The following ULK4 variants were observed in gnomAD, a reference collection of about 807,000 sequenced individuals.
The protein encoded by ULK4 is inactive serine/threonine-protein kinase ULK4.
A neutral mutation model predicts 160.6 loss-of-function variants in ULK4; 133 were observed. The ratio of observed to expected loss-of-function variants is 0.83; its 90% CI spans 0.72 to 0.96. The LOEUF (loss-of-function observed/expected upper bound fraction) is 0.96, where lower values mean the gene tolerates loss of function less well. Among genes scored for constraint, ULK4 ranks in the 40% least tolerant of loss-of-function variants. The pLI, the probability that ULK4 is intolerant of heterozygous loss-of-function variation, is 0.00. For missense variants in ULK4, 1,580 were observed against 1,499.5 expected (o/e 1.05, Z -0.89); for synonymous variants, 534 against 539.8 (o/e 0.99, Z 0.15).
At chr3:41,593,273 G>C (rs565903404) in intron 31 of ULK4, among the ~76,000 whole-genome samples, 15 of 152,290 alleles carry the variant, frequency 9.8e-5, no homozygotes, top group Non-Finnish European at 1.8e-4. Context: ...ATCACTGAAA[G>C]ACTTTCAAAG....
chr3:41,876,567 C>T (rs1346871485), intron 17 of ULK4, among the ~76,000 whole-genome samples: 1 of 152,188 alleles, frequency 6.6e-6, no homozygotes, highest in Non-Finnish European at 1.5e-5. Context: ...CATTCCTACA[C>T]ATATCCAACA....
chr3:41,746,272 CAAAAAAAAAAA>C lies in ULK4; in HGVS notation c.2321+8078_2321+8088del, dbSNP rs34582395. ...TATATAGAAAATCTCCTGGAACCCA[CAAAAAAAAAAA>C]AAAAAAAAAAAAACCACCTACAACT... On this transcript the variant is annotated intron_variant, in intron 22 of 36. Coordinates refer to ENST00000301831, the MANE Select transcript of ULK4 (RefSeq NM_017886.4). Among the ~76,000 whole-genome samples the C allele has an allele frequency of 1.3e-4, 6 of 45,718 alleles. No individual in the cohort carries two copies. In the South Asian group the frequency reaches 3.4e-3, roughly 26 times the overall value. 30.0% of individuals were successfully genotyped at this position (45,718 alleles called of 152,430 possible). A position where few individuals can be genotyped will look rare whatever the true frequency, so the allele number is the denominator to read the frequency against.
At chr3:41,835,084 A>C (rs1329277706) in intron 18 of ULK4, among the ~76,000 whole-genome samples, 1 of 152,164 alleles carries the variant, frequency 6.6e-6, no homozygotes, top group East Asian at 1.9e-4. Context: ...AGTTCTCCTC[A>C]AATTAGTCCC....
At chr3:41,436,355 C>T (rs1326868517) in intron 34 of ULK4, among the ~76,000 whole-genome samples, 4 of 152,118 alleles carry the variant, frequency 2.6e-5, no homozygotes, top group African/African-American at 9.7e-5. Context: ...TGAGGAGCAT[C>T]TATATTTTTG....
intron 30 of ULK4, among the ~76,000 whole-genome samples, chr3:41,639,747 C>T (rs1186750299): frequency 6.6e-6 from 1 of 152,088 alleles, no homozygotes; most frequent in Non-Finnish European, 1.5e-5. Flanking sequence ...ATACATGTAT[C>T]TGTCAAAGTA....
chr3:41,538,198 C>T (rs559266696), intron 32 of ULK4, among the ~76,000 whole-genome samples: 1 of 152,156 alleles, frequency 6.6e-6, no homozygotes, highest in Non-Finnish European at 1.5e-5. Flanking sequence ...TTTGCTTTTT[C>T]TATAATCATA....
chr3:41,917,629 C>A (rs778720305), intron 7 of ULK4, among the ~76,000 whole-genome samples: 1 of 152,032 alleles, frequency 6.6e-6, no homozygotes, highest in Non-Finnish European at 1.5e-5. Context: ...ATTATATTAA[C>A]CACAATTTAT....
rs2037223796 is a variant in ULK4, at chr3:41,715,159, C to T, written c.2634+78G>A. On this transcript the variant is annotated intron_variant, in intron 25 of 36. Transcript: ENST00000301831. ...TACCAACAGGATTTTTAAATTACCT[C>T]ATTCTGACATCAAATTCTACAAACA... is the stretch of plus-strand genomic sequence containing the variant. 5.7e-6 allele frequency: 8 copies of T among 1,403,972 alleles called. No individual in the cohort carries two copies. In the Admixed American group the frequency reaches 1.5e-4, roughly 26 times the overall value. 87.0% of individuals were successfully genotyped at this position (1,403,972 alleles called of 1,614,324 possible).
chr3:41,938,251 C>T, intron 2 of ULK4, 54 bp from the exon 3 acceptor site: 7 of 1,419,530 alleles, frequency 4.9e-6, no homozygotes. Context: ...ACTCTTACAT[C>T]TACTGAGAAA....
At chr3:41,780,062 A>T (rs141179011) in intron 21 of ULK4, among the ~76,000 whole-genome samples, 1 of 151,746 alleles carries the variant, frequency 6.6e-6, no homozygotes, top group African/African-American at 2.4e-5. Flanking sequence ...ACACTTTGGA[A>T]ACACTTTGGG....
At position 41,280,343 on chromosome 3, in the gene ULK4, A is replaced by C. The variant is rs532951553; in HGVS notation, c.3679-30769T>G. On this transcript the variant is annotated intron_variant, in intron 35 of 36. Coordinates refer to ENST00000301831, the MANE Select transcript of ULK4 (RefSeq NM_017886.4). ...ATCTACAGAACTCTCCACCTCAAAT[A>C]AACAGAATATACATTCTTCTCAGTA... Among the ~76,000 whole-genome samples the C allele has an allele frequency of 7.5e-4, 114 of 152,218 alleles. 1 individual carries two copies. The highest frequency in any genetic ancestry group is 3.3e-3 in the Admixed American group (51 of 15,282).
intron 35 of ULK4, among the ~76,000 whole-genome samples, chr3:41,326,217 G>A (rs1423171825): frequency 1.3e-5 from 2 of 151,948 alleles, no homozygotes; most frequent in Admixed American, 6.6e-5. Flanking sequence ...TTCCAATCAC[G>A]AGTAGTACCA....
chr3:41,371,874 T>G (rs1467026921), intron 35 of ULK4, among the ~76,000 whole-genome samples: 1 of 151,858 alleles, frequency 6.6e-6, no homozygotes, highest in Non-Finnish European at 1.5e-5. Context: ...TCTAGCCCAA[T>G]GCAAGGAAGC....
chr3:41,322,770 G>A (rs1034653603), intron 35 of ULK4, among the ~76,000 whole-genome samples: 7 of 152,010 alleles, frequency 4.6e-5, no homozygotes, highest in African/African-American at 9.7e-5. Flanking sequence ...TTTTTACTTC[G>A]CTCAAACAAA....
At chr3:41,431,471 G>C (rs1022749098) in intron 34 of ULK4, among the ~76,000 whole-genome samples, 1 of 148,792 alleles carries the variant, frequency 6.7e-6, no homozygotes, top group East Asian at 2.0e-4. Context: ...CATATGCCAA[G>C]GGCTGTGCTA....
At chr3:41,469,065 C>A (rs1559625238) in intron 32 of ULK4, among the ~76,000 whole-genome samples, 1 of 152,172 alleles carries the variant, frequency 6.6e-6, no homozygotes, top group African/African-American at 2.4e-5. Context: ...TAAATCTCTA[C>A]ACAGTCAGCC....
At chr3:41,761,454 T>C (rs984609094) in intron 21 of ULK4, among the ~76,000 whole-genome samples, 8 of 150,526 alleles carry the variant, frequency 5.3e-5, no homozygotes, top group African/African-American at 1.9e-4. Flanking sequence ...GCAATGATTA[T>C]AGTAATGAGT....
chr3:41,907,771 C>A (rs1338020860), intron 12 of ULK4, 74 bp downstream of exon 12: 3 of 943,954 alleles, frequency 3.2e-6, no homozygotes, highest in Non-Finnish European at 4.5e-6. Context: ...TAACATAATT[C>A]ATTTACCAAC....
At chr3:41,616,594 G>A (rs552921458) in intron 30 of ULK4, among the ~76,000 whole-genome samples, 24 of 152,270 alleles carry the variant, frequency 1.6e-4, no homozygotes, top group South Asian at 6.2e-4. Context: ...TGTGCTACCC[G>A]GCCTGGTTAC....
Sources: allele counts gnomAD v4.1 joint callset (sites outside exome capture counted in the v4.1 genomes callset), GRCh38; gene constraint gnomAD v4.1.1; transcripts MANE v1.5; gene names NCBI Gene and HGNC (gene_info 2026-07-23, HGNC 2026-07-21).